HP1BP3: variants seen among roughly 807,000 people sequenced by gnomAD.
HP1BP3 encodes the protein heterochromatin protein 1-binding protein 3.
HP1BP3 carries 12 observed loss-of-function variants against 62.5 expected under a neutral mutation model. The observed-to-expected ratio is 0.19, with a 90% CI of 0.12 to 0.31. The LOEUF (loss-of-function observed/expected upper bound fraction) is 0.31. HP1BP3 is among the 10% of genes least tolerant of loss of function. HP1BP3 has a pLI of 1.00. For synonymous variants in HP1BP3, 260 were observed against 237.8 expected (o/e 1.09, Z -0.86); for missense variants, 502 against 651.8 (o/e 0.77, Z 2.50).
chr1:20,757,287 T>A, intron 8 of HP1BP3, 31 bp from the exon 9 acceptor site: 1 of 1,354,906 alleles, frequency 7.4e-7, no homozygotes, highest in Non-Finnish European at 1.0e-6. Context: ...AAAATAGTGA[T>A]AAATACATTA....
rs1557639027 is a variant in HP1BP3, at chr1:20,750,373, AC to A, written c.982-492del. ...CACACACACACACACACACACACACACACACAAAATAGCCAGGTGTGGCAGG... is the reference window on the plus strand; with the variant it reads ...CACACACACACACACACACACACACAACACAAAATAGCCAGGTGTGGCAGG... On this transcript the variant is annotated intron_variant, in intron 9 of 12. Transcript: ENST00000438032. The A allele has an allele frequency of 6.0e-5, 8 of 132,726 alleles. No homozygotes were observed. The South Asian group carries it at 1.3e-3, about 21-fold the overall frequency. 8.2% of individuals were successfully genotyped at this position (132,726 alleles called of 1,614,324 possible).
intron 8 of HP1BP3, among the ~76,000 whole-genome samples, chr1:20,757,785 C>G (rs1259942242): frequency 1.3e-5 from 2 of 152,098 alleles, no homozygotes; most frequent in Non-Finnish European, 2.9e-5. Context: ...ATGCCCAGTT[C>G]TTCTTCTAGG....
At chr1:20,770,183 T>A (rs2056991226) in intron 6 of HP1BP3, among the ~76,000 whole-genome samples, 1 of 152,230 alleles carries the variant, frequency 6.6e-6, no homozygotes, top group Non-Finnish European at 1.5e-5. Context: ...TCTCTGATAC[T>A]CTTAACAGGC....
intron 7 of HP1BP3, among the ~76,000 whole-genome samples, chr1:20,766,386 A>C (rs998729657): frequency 9.2e-5 from 14 of 152,218 alleles, no homozygotes; most frequent in African/African-American, 2.7e-4. Flanking sequence ...AAAAATGCAT[A>C]AAGTTCATTT....
Position 20,764,317 on chromosome 1 carries a change from C to A in HP1BP3, c.890+1060G>T, listed in dbSNP as rs187079268. The stretch of plus-strand genomic sequence containing the variant: ...ATTAAAGGCTAAGAATAAATTAGGA[C>A]CCTTAAAGTCTACACTCCTTTTTAC... On this transcript the variant is annotated intron_variant, in intron 8 of 12. Transcript: ENST00000438032. 2.6e-5 allele frequency among the ~76,000 whole-genome samples: 4 copies of A among 151,732 alleles called. No homozygotes were observed. In the East Asian group the frequency reaches 7.8e-4, roughly 30 times the overall value.
chr1:20,771,171 A>G, intron 5 of HP1BP3, 98 bp from the exon 6 acceptor site: 1 of 1,010,904 alleles, frequency 9.9e-7, no homozygotes, highest in Non-Finnish European at 1.5e-6. Flanking sequence ...TTGATGATAG[A>G]TGACAAAAAC....
intron 6 of HP1BP3, among the ~76,000 whole-genome samples, chr1:20,769,763 C>T (rs963759380): frequency 6.6e-6 from 1 of 152,110 alleles, no homozygotes; most frequent in Non-Finnish European, 1.5e-5. Flanking sequence ...AGCTGGACTC[C>T]TAGCTCCACA....
At position 20,741,780 on chromosome 1, in the gene HP1BP3, A is replaced by G. The variant is rs1170575299; in HGVS notation, c.*3017T>C. Among the ~76,000 whole-genome samples the G allele has an allele frequency of 1.3e-5, 2 of 152,240 alleles. No homozygotes were observed. The highest frequency in any genetic ancestry group is 2.9e-5 in the Non-Finnish European group (2 of 68,036). On this transcript the variant is annotated 3_prime_UTR_variant, in exon 13 of 13. Coordinates refer to ENST00000438032, the MANE Select transcript of HP1BP3 (RefSeq NM_001372052.1). ...ACACTGTAAATGAGGTCACTAAGCC[A>G]CCAACAGAGTACTGAAGCTATTGAT...
rs1326679646 is a variant in HP1BP3, at chr1:20,743,543, G to A, written c.*1254C>T. 2 of 151,820 alleles carry A rather than the reference G, an allele frequency of 1.3e-5. No homozygotes were observed. Among genetic ancestry groups the A allele is most frequent in the Non-Finnish European group, 2.9e-5 (2 of 68,022 alleles). 9.4% of individuals were successfully genotyped at this position (151,820 alleles called of 1,614,324 possible). On this transcript the variant is annotated 3_prime_UTR_variant, in exon 13 of 13. Coordinates refer to ENST00000438032, the MANE Select transcript of HP1BP3 (RefSeq NM_001372052.1). Reference sequence around the variant, plus strand: ...CTGGGCGTGGTCGTGTGCGCCTGTAGGACCCAACTCAGGAGGCTGAGGTGG... The same window carrying A: ...CTGGGCGTGGTCGTGTGCGCCTGTAAGACCCAACTCAGGAGGCTGAGGTGG...
intron 1 of HP1BP3, among the ~76,000 whole-genome samples, chr1:20,781,670 A>G (rs1249110024): frequency 6.6e-6 from 1 of 152,092 alleles, no homozygotes; most frequent in Non-Finnish European, 1.5e-5. Context: ...TCTGTTGCCC[A>G]GGCTGGAGTG....
chr1:20,772,869 G>T (rs1217881510), intron 5 of HP1BP3, among the ~76,000 whole-genome samples: 2 of 152,210 alleles, frequency 1.3e-5, no homozygotes, highest in Admixed American at 1.3e-4. Flanking sequence ...GAAAGTCAAT[G>T]AAATCATAAA....
chr1:20,771,870 A>C (rs1408203639), intron 5 of HP1BP3, among the ~76,000 whole-genome samples: 1 of 152,242 alleles, frequency 6.6e-6, no homozygotes, highest in Non-Finnish European at 1.5e-5. Context: ...GTGTCTATTA[A>C]ATCAATGTAG....
In HP1BP3 at chr1:20,779,996, T is replaced by C. The variant is rs1444120440; in HGVS notation, c.97-85A>G. On this transcript the variant is annotated intron_variant, in intron 2 of 12. Transcript: ENST00000438032. ...TCAAAGGGCCTAACTGGGTGTCAGA[T>C]GTAGGAGAATTCTTCAAGTCGACTC... The C allele has an allele frequency of 3.0e-6, 3 of 990,666 alleles. No individual in the cohort carries two copies. In the Admixed American group the frequency reaches 8.2e-5, roughly 27 times the overall value. The allele number at this position is 990,666 out of a possible 1,614,324, so 61.4% of individuals were successfully genotyped here. A position where few individuals can be genotyped will look rare whatever the true frequency, so the allele number is the denominator to read the frequency against.
Position 20,744,976 on chromosome 1 carries a change from G to T in HP1BP3, c.1483C>A (p.Pro495Thr), listed in dbSNP as rs1413804777. The T allele has an allele frequency of 6.2e-7, 1 of 1,614,158 alleles. No individual in the cohort carries two copies. Among genetic ancestry groups the T allele is most frequent in the Non-Finnish European group, 8.5e-7 (1 of 1,180,034 alleles). The change falls in exon 13 of 13, where the codon CCT (proline) becomes ACT (threonine). Residue 495 changes from proline to threonine, a missense_variant. By Grantham distance (38) the Pro-to-Thr change is conservative (BLOSUM62 -1). This residue lies in a region of HP1BP3 where 194 missense variants were observed against 207.0 expected (regional missense o/e 0.94). Transcript: ENST00000438032. Reference sequence around the variant, plus strand: ...TTGGCCTTAGGAGGTGCTTTCTTAGGCAAGGGCCTAGCTTTCCCCCGCTGG... The same window carrying T: ...TTGGCCTTAGGAGGTGCTTTCTTAGTCAAGGGCCTAGCTTTCCCCCGCTGG... ...AAQRGKARPL[P>T]KKAPPKAKTP...
chr1:20,765,813 A>G (rs1254871336), intron 7 of HP1BP3, among the ~76,000 whole-genome samples: 1 of 151,880 alleles, frequency 6.6e-6, no homozygotes, highest in Non-Finnish European at 1.5e-5. Flanking sequence ...TCTACTAAAA[A>G]TACAAAAATT....
intron 6 of HP1BP3, among the ~76,000 whole-genome samples, chr1:20,770,009 C>G (rs772205227): frequency 6.6e-6 from 1 of 152,156 alleles, no homozygotes; most frequent in African/African-American, 2.4e-5. Context: ...AAGACCTTAG[C>G]AGTTATTTCA....
intron 3 of HP1BP3, among the ~76,000 whole-genome samples, chr1:20,779,421 T>C (rs903961070): frequency 3.3e-5 from 5 of 152,178 alleles, no homozygotes; most frequent in Non-Finnish European, 5.9e-5. Flanking sequence ...TTTGCTTCTC[T>C]GAAGGCCTCC....
At chr1:20,767,221 C>T (rs12727835) in intron 7 of HP1BP3, among the ~76,000 whole-genome samples, 4,254 of 152,188 alleles carry the variant, frequency 0.028, 90 homozygotes, top group Middle Eastern at 0.048. Context: ...GAGGCTGAGG[C>T]AGGAGAATTG....
At chr1:20,782,244 C>T (rs2057588221) in intron 1 of HP1BP3, among the ~76,000 whole-genome samples, 1 of 151,990 alleles carries the variant, frequency 6.6e-6, no homozygotes, top group Admixed American at 6.6e-5. Flanking sequence ...TCAAAACTAG[C>T]CTAGTCAACA....
Sources: gnomAD v4.1 joint callset for allele counts (sites outside exome capture counted in the v4.1 genomes callset) on GRCh38, gnomAD v4.1.1 for gene constraint, gnomAD v4.1.1 regional missense constraint, MANE v1.5 for transcripts, NCBI Gene and HGNC (gene_info 2026-07-23, HGNC 2026-07-21) for gene names.